TYW1: variants seen among roughly 807,000 people sequenced by gnomAD.
The protein encoded by TYW1 is tRNA-yW synthesizing protein 1 homolog, also known as S-adenosyl-L-methionine-dependent tRNA 4-demethylwyosine synthase TYW1.
Under a neutral mutation model 96.2 loss-of-function variants are expected in TYW1, and 46 were observed. The ratio of observed to expected loss-of-function variants is 0.48; its 90% CI spans 0.38 to 0.61. The LOEUF is 0.61. TYW1 is among the 20% of genes least tolerant of loss of function. TYW1 has a pLI of 0.00. For synonymous variants in TYW1, 274 were observed against 323.0 expected (o/e 0.85, Z 1.63); for missense variants, 684 against 909.6 (o/e 0.75, Z 3.19).
chr7:67,127,027 TACTTC>T (rs1797931577), intron 13 of TYW1, among the ~76,000 whole-genome samples: 1 of 151,762 alleles, frequency 6.6e-6, no homozygotes, highest in African/African-American at 2.4e-5. Context: ...ATATTAATCA[TACTTC>T]ACTTGTTGTT....
At chr7:67,120,352 G>A (rs1175054523) in intron 13 of TYW1, among the ~76,000 whole-genome samples, 1 of 152,094 alleles carries the variant, frequency 6.6e-6, no homozygotes, top group Non-Finnish European at 1.5e-5. Flanking sequence ...GAAAGTGCTG[G>A]GATTACAGGT....
chr7:67,155,498 C>T (rs565162741), intron 13 of TYW1, among the ~76,000 whole-genome samples: 50 of 152,126 alleles, frequency 3.3e-4, no homozygotes, highest in Admixed American at 9.2e-4. Flanking sequence ...TCCTGTACAC[C>T]GTGCAAAACT....
chr7:67,177,043 T>C (rs992525042), intron 13 of TYW1, among the ~76,000 whole-genome samples: 7 of 152,190 alleles, frequency 4.6e-5, no homozygotes, highest in Non-Finnish European at 7.3e-5. Flanking sequence ...GCAACAGTAA[T>C]TAAAAGTGTG....
chr7:67,116,494 T>C (rs1429534445), intron 12 of TYW1, among the ~76,000 whole-genome samples: 2 of 151,984 alleles, frequency 1.3e-5, no homozygotes, highest in Non-Finnish European at 2.9e-5. Flanking sequence ...CAGACCAGCC[T>C]AGGTAATGTA....
chr7:67,141,806 C>T (rs1197646144), intron 13 of TYW1, among the ~76,000 whole-genome samples: 4 of 152,178 alleles, frequency 2.6e-5, no homozygotes, highest in Non-Finnish European at 4.4e-5. Flanking sequence ...GAGGCCAAGG[C>T]GGGTGGATCA....
At chr7:67,070,793 T>G (rs1796005482) in intron 10 of TYW1, among the ~76,000 whole-genome samples, 1 of 152,138 alleles carries the variant, frequency 6.6e-6, no homozygotes, top group Non-Finnish European at 1.5e-5. Flanking sequence ...GAATACACAC[T>G]TGTTTCTTTG....
intron 2 of TYW1, 29 bp downstream of exon 2, chr7:66,998,224 A>C (rs745489218): frequency 2.5e-6 from 4 of 1,586,704 alleles, no homozygotes; most frequent in African/African-American, 2.8e-5. Flanking sequence ...TTTTTAATGG[A>C]GTATTTAGGC....
At chr7:67,144,365 A>G (rs1584615510) in intron 13 of TYW1, among the ~76,000 whole-genome samples, 2 of 152,336 alleles carry the variant, frequency 1.3e-5, no homozygotes, top group South Asian at 2.1e-4. Flanking sequence ...TGATTCATAT[A>G]TCATCAGATT....
chr7:67,149,724 ATC>A (rs777605941), intron 13 of TYW1, among the ~76,000 whole-genome samples: 1 of 95,650 alleles, frequency 1.0e-5, no homozygotes, highest in African/African-American at 4.2e-5. Context: ...GAAAAAAAAT[ATC>A]TATCTATCTA....
At chr7:67,093,995 C>G (rs532672689) in intron 11 of TYW1, among the ~76,000 whole-genome samples, 3 of 152,168 alleles carry the variant, frequency 2.0e-5, no homozygotes, top group Admixed American at 2.0e-4. Flanking sequence ...TCAACTCTCA[C>G]CCCGTCCCAT....
Position 67,239,168 on chromosome 7 carries a change from C to G in TYW1, c.*639C>G. 1.0e-6 allele frequency: 1 copy of G among 985,926 alleles called. No individual in the cohort carries two copies. Among genetic ancestry groups the G allele is most frequent in the Non-Finnish European group, 1.2e-6 (1 of 830,266 alleles). 61.1% of individuals were successfully genotyped at this position (985,926 alleles called of 1,614,324 possible). A position where few individuals can be genotyped will look rare whatever the true frequency, so the allele number is the denominator to read the frequency against. On this transcript the variant is annotated 3_prime_UTR_variant, in exon 16 of 16. Transcript: ENST00000359626. ...CATCCCATTCCCATGTAAATTACCA[C>G]AGACCGCAGTACCGGGGCTGGAGCG...
chr7:67,186,262 T>C (rs1204498939), intron 14 of TYW1, among the ~76,000 whole-genome samples: 49 of 78,124 alleles, frequency 6.3e-4, no homozygotes, highest in African/African-American at 3.1e-3. Context: ...TTCCTTCCTT[T>C]CTTCCCCCCC....
intron 13 of TYW1, among the ~76,000 whole-genome samples, chr7:67,145,169 A>G (rs1223075287): frequency 1.2e-5 from 1 of 82,688 alleles, no homozygotes; most frequent in Non-Finnish European, 2.5e-5. Flanking sequence ...TTTTTTTTTG[A>G]AACGAGTCTC....
chr7:67,035,198 A>G (rs1335706146), intron 7 of TYW1, among the ~76,000 whole-genome samples: 1 of 150,608 alleles, frequency 6.6e-6, no homozygotes, highest in African/African-American at 2.5e-5. Context: ...GGCTCACTGC[A>G]ACTTCCGCCT....
rs1554359509 is a variant in TYW1 at position 67,079,171 on chromosome 7, G to GTGTGTGTGTGT, written c.1275-4259_1275-4258insTGTGTGTGTGT. On this transcript the variant is annotated intron_variant, in intron 10 of 15. Transcript: ENST00000359626. ...TAGTTTGAAAAGTATTCGTGTGAGA[G>GTGTGTGTGTGT]GTGTGTGTGTGTGTGTGTGTGTGTG... is the stretch of plus-strand genomic sequence containing the variant. 2.1e-3 allele frequency among the ~76,000 whole-genome samples: 308 copies of GTGTGTGTGTGT among 148,892 alleles called. 3 individuals are homozygous for GTGTGTGTGTGT. The highest frequency in any genetic ancestry group is 1.1e-3 in the Non-Finnish European group (71 of 67,082).
chr7:67,085,103 T>C (rs139359904), intron 11 of TYW1, among the ~76,000 whole-genome samples: 5,140 of 152,286 alleles, frequency 0.034, 253 homozygotes, highest in African/African-American at 0.12. Flanking sequence ...ATGGGAGTCT[T>C]TAGAAACCTC....
At position 67,180,193 on chromosome 7, in the gene TYW1, G is replaced by C. The variant is rs1484915856; in HGVS notation, c.1699-2933G>C. The stretch of plus-strand genomic sequence containing the variant: ...CTCTTGAATTTTGAAATTGCTGATT[G>C]CTGGCATATAATAGCTAATATTTGG... On this transcript the variant is annotated intron_variant, in intron 13 of 15. Transcript: ENST00000359626. 1.5e-5 allele frequency among the ~76,000 whole-genome samples: 2 copies of C among 130,976 alleles called. 1 individual carries two copies. The highest frequency in any genetic ancestry group is 6.3e-5 in the African/African-American group (2 of 31,604). 85.9% of individuals were successfully genotyped at this position (130,976 alleles called of 152,430 possible).
chr7:67,238,351 G>A lies in TYW1; in HGVS notation c.2021G>A (p.Arg674His), dbSNP rs772970557. The change falls in exon 16 of 16, where the codon CGC becomes CAC. Residue 674 changes from arginine to histidine, a missense_variant. Arg to His is a conservative substitution (Grantham distance 29). Coordinates refer to ENST00000359626, the MANE Select transcript of TYW1 (RefSeq NM_018264.4). ...GEWWTWIDYN[R>H]FQELIQEYED... The stretch of plus-strand genomic sequence containing the variant: ...TGGTGGACATGGATCGATTATAACC[G>A]CTTCCAGGAGCTCATCCAGGAATAT... 2.0e-5 allele frequency: 33 copies of A among 1,612,530 alleles called. No homozygotes were observed. The highest frequency in any genetic ancestry group is 1.4e-4 in the South Asian group (13 of 91,040).
intron 12 of TYW1, chr7:67,114,349 A>G (rs953190714): frequency 3.3e-5 from 5 of 153,226 alleles, no homozygotes; most frequent in African/African-American, 1.2e-4. Flanking sequence ...GCCTCATTCT[A>G]CCTTCTGAGC....
Sources: gnomAD v4.1 joint callset for allele counts (sites outside exome capture counted in the v4.1 genomes callset) on GRCh38, gnomAD v4.1.1 for gene constraint, MANE v1.5 for transcripts, NCBI Gene and HGNC (gene_info 2026-07-23, HGNC 2026-07-21) for gene names.